The following RBMS1 variants were observed in gnomAD, a reference collection of about 807,000 sequenced individuals.
RBMS1 encodes RNA-binding motif, single-stranded-interacting protein 1.
Under a neutral mutation model 62.3 loss-of-function variants are expected in RBMS1, and 17 were observed. The ratio of observed to expected loss-of-function variants is 0.27; its 90% CI spans 0.19 to 0.41. The LOEUF is 0.41. Ranked by LOEUF, RBMS1 falls within the 10% of genes least tolerant of loss-of-function variation. RBMS1 has a pLI of 1.00. For missense variants in RBMS1, 334 were observed against 504.5 expected (o/e 0.66, Z 3.24); for synonymous variants, 172 against 170.0 (o/e 1.01, Z -0.09).
At chr2:160,353,853 CATT>C (rs1306956204) in intron 2 of RBMS1, among the ~76,000 whole-genome samples, 2 of 152,078 alleles carry the variant, frequency 1.3e-5, no homozygotes, top group African/African-American at 4.8e-5. Flanking sequence ...GTAGCAGTAA[CATT>C]AATACATGCC....
chr2:160,398,728 T>G (rs996247362), intron 1 of RBMS1, among the ~76,000 whole-genome samples: 6 of 152,186 alleles, frequency 3.9e-5, no homozygotes, highest in African/African-American at 1.4e-4. Flanking sequence ...ATAGAAAGGC[T>G]GGGTTTTTCC....
chr2:160,493,090 C>T, intron 1 of RBMS1, 199 bp downstream of exon 1: 1 of 554,906 alleles, frequency 1.8e-6, no homozygotes, highest in Non-Finnish European at 3.1e-6. Context: ...TAACCCGATC[C>T]CCGCACTCCG....
chr2:160,365,638 C>T (rs184286859), intron 2 of RBMS1, among the ~76,000 whole-genome samples: 122 of 152,354 alleles, frequency 8.0e-4, no homozygotes, highest in Non-Finnish European at 1.6e-3. Context: ...ACTCACCCTA[C>T]ATAATTCAAC....
At chr2:160,300,793 G>A (rs1419555041) in intron 5 of RBMS1, 63 bp from the exon 6 acceptor site, 2 of 1,431,330 alleles carry the variant, frequency 1.4e-6, no homozygotes, top group Non-Finnish European at 1.8e-6. Flanking sequence ...ATCTTGTTCG[G>A]TGCATGCATA....
chr2:160,293,243 C>T (rs1319719083), intron 6 of RBMS1, among the ~76,000 whole-genome samples: 2 of 152,170 alleles, frequency 1.3e-5, no homozygotes, highest in Non-Finnish European at 2.9e-5. Context: ...TTACTAGATT[C>T]ATAATTTTCC....
At chr2:160,304,900 G>C (rs1023797385) in intron 4 of RBMS1, among the ~76,000 whole-genome samples, 14 of 152,122 alleles carry the variant, frequency 9.2e-5, no homozygotes, top group Admixed American at 8.5e-4. Context: ...TCTGTGCCAG[G>C]ATGGAGTGCA....
At chr2:160,374,142 C>T (rs1693873330) in intron 1 of RBMS1, among the ~76,000 whole-genome samples, 1 of 152,116 alleles carries the variant, frequency 6.6e-6, no homozygotes, top group Admixed American at 6.5e-5. Context: ...CCTGTAGTCC[C>T]AGCTACTGAA....
intron 4 of RBMS1, among the ~76,000 whole-genome samples, chr2:160,307,165 G>A (rs546052953): frequency 6.6e-6 from 1 of 152,060 alleles, no homozygotes; most frequent in South Asian, 2.1e-4. Context: ...CTCCCCGTGC[G>A]TGTGGAATGG....
intron 1 of RBMS1, among the ~76,000 whole-genome samples, chr2:160,481,068 G>C (rs1265714910): frequency 7.7e-6 from 1 of 129,516 alleles, no homozygotes; most frequent in Non-Finnish European, 1.6e-5. Context: ...GCAACAGAGT[G>C]AGACTGCCTT....
At chr2:160,482,415 TAAATAAAC>T (rs199969695) in intron 1 of RBMS1, among the ~76,000 whole-genome samples, 34,914 of 138,930 alleles carry the variant, frequency 0.25, 4,628 homozygotes, top group Admixed American at 0.4. Context: ...ATATAAGTTT[TAAATAAAC>T]AAATAAAATT....
chr2:160,438,879 G>A (rs1282632625), intron 1 of RBMS1, among the ~76,000 whole-genome samples: 1 of 149,804 alleles, frequency 6.7e-6, no homozygotes, highest in Admixed American at 6.6e-5. Context: ...GCGGCTGGCC[G>A]GACGGGGGGC....
chr2:160,409,478 C>A (rs568212864), intron 1 of RBMS1, among the ~76,000 whole-genome samples: 1 of 152,304 alleles, frequency 6.6e-6, no homozygotes, highest in African/African-American at 2.4e-5. Flanking sequence ...CATAAGACAA[C>A]TGTTTTGACT....
intron 1 of RBMS1, among the ~76,000 whole-genome samples, chr2:160,475,361 G>A (rs1685080567): frequency 6.6e-6 from 1 of 152,148 alleles, no homozygotes; most frequent in African/African-American, 2.4e-5. Context: ...TCCAATTGGA[G>A]GCACTGGCAG....
intron 2 of RBMS1, among the ~76,000 whole-genome samples, chr2:160,342,577 A>G (rs1691930616): frequency 6.6e-6 from 1 of 151,996 alleles, no homozygotes; most frequent in Non-Finnish European, 1.5e-5. Context: ...GATTGCCATT[A>G]CCCCATTACC....
At chr2:160,300,816 G>A in intron 5 of RBMS1, 86 bp from the exon 6 acceptor site, 1 of 1,331,580 alleles carries the variant, frequency 7.5e-7, no homozygotes, top group South Asian at 2.0e-5. Flanking sequence ...CATTCTTATA[G>A]GTTTTTTGGA....
chr2:160,326,163 T>C (rs909900199), intron 2 of RBMS1, among the ~76,000 whole-genome samples: 1 of 151,984 alleles, frequency 6.6e-6, no homozygotes, highest in South Asian at 2.1e-4. Flanking sequence ...GCGCTGAAGG[T>C]GAAGGGATTA....
chr2:160,310,631 C>A, intron 4 of RBMS1, among the ~76,000 whole-genome samples: 1 of 152,072 alleles, frequency 6.6e-6, no homozygotes, highest in Non-Finnish European at 1.5e-5. Context: ...GGATTTTATC[C>A]AAAAGCAAGG....
intron 1 of RBMS1, among the ~76,000 whole-genome samples, chr2:160,429,687 A>G (rs1682808126): frequency 1.3e-5 from 2 of 152,248 alleles, no homozygotes; most frequent in South Asian, 4.1e-4. Context: ...TGGAAGCAGT[A>G]CAATGAATAA....
intron 2 of RBMS1, among the ~76,000 whole-genome samples, chr2:160,342,073 C>G (rs180961528): frequency 6.6e-6 from 1 of 152,238 alleles, no homozygotes; most frequent in East Asian, 1.9e-4. Flanking sequence ...ATATCTGACC[C>G]TTCTCCTCAT....
Sources: gnomAD v4.1 joint callset for allele counts (sites outside exome capture counted in the v4.1 genomes callset) on GRCh38, gnomAD v4.1.1 for gene constraint, MANE v1.5 for transcripts, NCBI Gene and HGNC (gene_info 2026-07-23, HGNC 2026-07-21) for gene names.